SETD7: variants seen among roughly 807,000 people sequenced by gnomAD.
The protein encoded by SETD7 is SET domain containing 7, histone lysine methyltransferase, also known as histone-lysine N-methyltransferase SETD7.
In SETD7, 16 loss-of-function variants were observed where a neutral mutation model predicts 41.8. The ratio of observed to expected loss-of-function variants is 0.38; its 90% confidence interval spans 0.26 to 0.58. The LOEUF (loss-of-function observed/expected upper bound fraction) is 0.58, where lower values mean the gene tolerates loss of function less well. Ranked by LOEUF, SETD7 falls within the 20% of genes least tolerant of loss-of-function variation. The pLI is 0.64. For missense variants in SETD7, 346 were observed against 459.7 expected (o/e 0.75, Z 2.26); for synonymous variants, 163 against 169.7 (o/e 0.96, Z 0.31).
At chr4:139,519,233 G>C (rs1018987021) in intron 6 of SETD7, among the ~76,000 whole-genome samples, 1 of 152,148 alleles carries the variant, frequency 6.6e-6, no homozygotes, top group African/African-American at 2.4e-5. Context: ...TTTCATTAGG[G>C]CAAGAAGGGT....
At chr4:139,493,824 G>A (rs1418092421), downstream of SETD7, among the ~76,000 whole-genome samples, 1 of 152,226 alleles carries the variant, frequency 6.6e-6, no homozygotes, top group Non-Finnish European at 1.5e-5. Context: ...ACAGGTGTAA[G>A]CCACTGCGGC....
intron 1 of SETD7, 27 bp downstream of exon 1, chr4:139,556,071 C>T (rs777343034): frequency 5.7e-6 from 9 of 1,580,722 alleles, no homozygotes; most frequent in Non-Finnish European, 6.9e-6. Context: ...TGCGCCTCCT[C>T]CCCCGGCCCC....
At chr4:139,537,281 C>T (rs1196013252) in intron 2 of SETD7, among the ~76,000 whole-genome samples, 1 of 152,168 alleles carries the variant, frequency 6.6e-6, no homozygotes, top group Non-Finnish European at 1.5e-5. Flanking sequence ...GGCTGCACCA[C>T]TGCCCTCTAA....
At position 139,511,745 on chromosome 4, in the gene SETD7, C is replaced by T; in HGVS notation, c.1019G>A (p.Ser340Asn). Residue 340 changes from serine (S) to asparagine (N), a missense_variant, in exon 8 of 8, where the codon AGC becomes AAC. Physicochemically the swap from Ser to Asn is conservative, Grantham distance 46 (BLOSUM62 1). This residue lies in a region of SETD7 where 75 missense variants were observed against 65.5 expected (regional missense o/e 1.14). Transcript: ENST00000274031. Reference protein sequence around the residue: ...ELTVAYGYDHSPPGKSGPEAP... With the variant: ...ELTVAYGYDHNPPGKSGPEAP... Reference sequence around the variant, plus strand: ...TTCAGGCCCACTCTTCCCGGGGGGGCTGTGGTCATAGCCATAGGCAACGGT... The same window carrying T: ...TTCAGGCCCACTCTTCCCGGGGGGGTTGTGGTCATAGCCATAGGCAACGGT... The T allele has an allele frequency of 1.2e-6, 2 of 1,614,138 alleles. No homozygotes were observed. The highest frequency in any genetic ancestry group is 1.7e-6 in the Non-Finnish European group (2 of 1,180,000).
chr4:139,517,352 G>A (rs1221551481), intron 7 of SETD7, among the ~76,000 whole-genome samples: 1 of 152,064 alleles, frequency 6.6e-6, no homozygotes, highest in Non-Finnish European at 1.5e-5. Flanking sequence ...GCGCATGCCT[G>A]TAATCCCAGC....
intron 3 of SETD7, among the ~76,000 whole-genome samples, chr4:139,530,832 G>T (rs904880771): frequency 6.6e-6 from 1 of 152,006 alleles, no homozygotes; most frequent in Non-Finnish European, 1.5e-5. Flanking sequence ...AAACTTTTTC[G>T]AGGTAAATTT....
chr4:139,496,341 T>C, exon 8 of SETD7: 1 of 701,344 alleles, frequency 1.4e-6, no homozygotes, highest in Admixed American at 2.0e-5. Context: ...TTCCATTCGC[T>C]TTTATCTTTT....
chr4:139,549,033 A>G (rs1029474042), intron 1 of SETD7, among the ~76,000 whole-genome samples: 1 of 152,240 alleles, frequency 6.6e-6, no homozygotes, highest in African/African-American at 2.4e-5. Context: ...CATTAAAAAA[A>G]GCCACTCAGT....
At chr4:139,515,274 T>C (rs958736099) in intron 7 of SETD7, among the ~76,000 whole-genome samples, 10 of 152,140 alleles carry the variant, frequency 6.6e-5, no homozygotes, top group African/African-American at 2.4e-4. Context: ...ATTATTCAAG[T>C]AGTCTTCTCA....
At chr4:139,499,284 G>A (rs1000245470) in intron 7 of SETD7, among the ~76,000 whole-genome samples, 14 of 152,208 alleles carry the variant, frequency 9.2e-5, no homozygotes, top group Non-Finnish European at 1.6e-4. Context: ...AATGGAAATC[G>A]AATTTGTAAA....
At chr4:139,497,180 T>C (rs1161686629) in intron 7 of SETD7, among the ~76,000 whole-genome samples, 1 of 152,076 alleles carries the variant, frequency 6.6e-6, no homozygotes, top group African/African-American at 2.4e-5. Context: ...AAAGTCCGGG[T>C]GCGGTGGCTC....
chr4:139,546,808 C>A (rs1019396403), intron 2 of SETD7, 112 bp downstream of exon 2: 2 of 1,441,732 alleles, frequency 1.4e-6, no homozygotes, highest in South Asian at 1.2e-5. Context: ...GTTAATTTTA[C>A]CCATTGAATA....
downstream of SETD7, among the ~76,000 whole-genome samples, chr4:139,494,698 CA>C (rs1181803329): frequency 1.3e-5 from 2 of 152,206 alleles, no homozygotes; most frequent in African/African-American, 4.8e-5. Flanking sequence ...ATATCTCATA[CA>C]TAAATTGATA....
chr4:139,520,804 C>G (rs1727158603), intron 5 of SETD7, among the ~76,000 whole-genome samples: 1 of 152,134 alleles, frequency 6.6e-6, no homozygotes, highest in Non-Finnish European at 1.5e-5. Flanking sequence ...GGAAAGGAGG[C>G]TGTTTTAGTT....
intron 5 of SETD7, 113 bp downstream of exon 5, chr4:139,523,241 T>A: frequency 1.5e-6 from 1 of 667,542 alleles, no homozygotes. Context: ...AGGAGCTTGG[T>A]CTGAGCTGGA....
At position 139,529,154 on chromosome 4, in the gene SETD7, C is replaced by A. The variant is rs760837723; in HGVS notation, c.439G>T (p.Val147Leu). 2 of 1,613,996 alleles carry A rather than the reference C, an allele frequency of 1.2e-6. No homozygotes were observed. Among genetic ancestry groups the A allele is most frequent in the African/African-American group, 2.7e-5 (2 of 74,926 alleles). The part of the protein sequence containing the change: ...GEMTGEKIAY[V>L]YPDERTALYG... ...AGTGCGGTCCTCTCATCAGGGTACA[C>A]ATAGGCTATCTTCTCTCCAGTCATC... is the stretch of plus-strand genomic sequence containing the variant. Residue 147 changes from valine to leucine, a missense_variant, in exon 4 of 8, where the codon GTG (valine) becomes TTG (leucine). Val to Leu is a conservative substitution (Grantham distance 32). Around this residue, in one of 3 missense-constraint regions of SETD7, gnomAD observed 266 missense variants for 377.0 expected, o/e 0.71. Transcript: ENST00000274031.
At chr4:139,521,319 G>T (rs149660636) in intron 5 of SETD7, among the ~76,000 whole-genome samples, 1,808 of 152,082 alleles carry the variant, frequency 0.012, 45 homozygotes, top group African/African-American at 0.041. Context: ...CCAGTTACTC[G>T]GGAGGCTGAG....
chr4:139,554,710 T>C (rs1011712652), intron 1 of SETD7, among the ~76,000 whole-genome samples: 2 of 152,258 alleles, frequency 1.3e-5, no homozygotes, highest in African/African-American at 4.8e-5. Context: ...GGCTTCGAAG[T>C]TAGATGAAGA....
At position 139,511,085 on chromosome 4, in the gene SETD7, G is replaced by GA. The variant is rs1726856943; in HGVS notation, c.*577dup. 6.5e-6 allele frequency: 1 copy of GA among 152,688 alleles called. No homozygotes were observed. The highest frequency in any genetic ancestry group is 6.5e-5 in the Admixed American group (1 of 15,284). 9.5% of individuals were successfully genotyped at this position (152,688 alleles called of 1,614,324 possible). A position where few individuals can be genotyped will look rare whatever the true frequency, so the allele number is the denominator to read the frequency against. On this transcript the variant is annotated 3_prime_UTR_variant, in exon 8 of 8. Coordinates refer to ENST00000274031, the MANE Select transcript of SETD7 (RefSeq NM_030648.4). ...GTTTTCTCTTGTAAAGGGTATCTAA[G>GA]AAAGAGAATAGGGCTGAGGGGTGAA...
Sources: gnomAD v4.1 joint callset for allele counts (sites outside exome capture counted in the v4.1 genomes callset) on GRCh38, gnomAD v4.1.1 for gene constraint, gnomAD v4.1.1 regional missense constraint, MANE v1.5 for transcripts, NCBI Gene and HGNC (gene_info 2026-07-23, HGNC 2026-07-21) for gene names.